Variants in MUC4 observed in about 807,000 individuals in gnomAD.
MUC4 encodes mucin-4.
A neutral mutation model predicts 257.9 loss-of-function variants in MUC4; 202 were observed. The ratio of observed to expected loss-of-function variants is 0.78; its 90% CI spans 0.70 to 0.88. The LOEUF (loss-of-function observed/expected upper bound fraction) is 0.88, where lower values mean the gene tolerates loss of function less well. Among genes scored for constraint, MUC4 ranks in the 40% least tolerant of loss-of-function variants. The pLI is 0.00. For synonymous variants in MUC4, 2,351 were observed against 2,757.1 expected (o/e 0.85, Z 4.62); for missense variants, 5,976 against 6,513.7 (o/e 0.92, Z 2.84).
intron 24 of MUC4, among the ~76,000 whole-genome samples, 175 bp downstream of exon 24, chr3:195,748,727 A>C (rs1412455267): frequency 2.0e-5 from 3 of 152,264 alleles, no homozygotes; most frequent in Non-Finnish European, 4.4e-5. Context: ...AGTTTGTAAT[A>C]TAGCGCCTTT....
Position 195,787,414 on chromosome 3 carries a change from T to A in MUC4, c.4166A>T (p.Asp1389Val). 1.3e-6 allele frequency: 1 copy of A among 767,844 alleles called. No homozygotes were observed. Among genetic ancestry groups the A allele is most frequent in the South Asian group, 1.6e-5 (1 of 63,464 alleles). The allele number at this position is 767,844 out of a possible 1,614,324, so 47.6% of individuals were successfully genotyped here. A position where few individuals can be genotyped will look rare whatever the true frequency, so the allele number is the denominator to read the frequency against. Reference protein sequence around the residue: ...VTSLSSVSTGDTTPLPVTSPS... With the variant: ...VTSLSSVSTGVTTPLPVTSPS... ...GCTAGTGACAGGAAGAGGCGTGGTG[T>A]CACCTGTGGATACTGAGGAAAGGCT... The change falls in exon 2 of 25, where the codon GAC becomes GTC. Residue 1389 changes from aspartate (D) to valine (V), a missense_variant. This residue lies in a region of MUC4 where 58 missense variants were observed against 65.4 expected (regional missense o/e 0.89). Coordinates refer to ENST00000463781, the MANE Select transcript of MUC4 (RefSeq NM_018406.7).
chr3:195,770,331 T>C lies in MUC4; in HGVS notation c.13283A>G (p.Gln4428Arg), dbSNP rs573479949. The C allele has an allele frequency of 1.1e-5, 17 of 1,614,016 alleles. No individual in the cohort carries two copies. In the East Asian group the frequency reaches 2.9e-4, roughly 28 times the overall value. Residue 4428 changes from glutamine (Q) to arginine (R), a missense_variant, in exon 6 of 25, where the codon CAG becomes CGG. Transcript: ENST00000463781. ...TFYGEHSLLV[Q>R]QAESWIRKMT... ...CTTTCTAATCCAAGACTCGGCCTGC[T>C]GGACTAGCAGGCTGTGTTCACCATA...
intron 4 of MUC4, among the ~76,000 whole-genome samples, chr3:195,773,424 CCT>C (rs761867824): frequency 2.7e-5 from 4 of 150,658 alleles, no homozygotes; most frequent in Admixed American, 2.0e-4. Flanking sequence ...GGGGTGGAAA[CCT>C]CTCTCTCACT....
chr3:195,781,098 A>G lies in MUC4; in HGVS notation c.10482T>C (p.Pro3494=). ...TGGTGTCACCTGTGGATGCTGAGGA[A>G]GGGATGGTGACATGAAGAGGGGTGG... ...GHTTPLHVTI[P]SSASTGDTST... Residue 3494 remains proline (P), a synonymous_variant, in exon 2 of 25, where the codon CCT becomes CCC. Transcript: ENST00000463781. The G allele has an allele frequency of 1.3e-6, 2 of 1,490,222 alleles. No individual in the cohort carries two copies. The highest frequency in any genetic ancestry group is 1.8e-6 in the Non-Finnish European group (2 of 1,110,560). The allele number at this position is 1,490,222 out of a possible 1,614,324, so 92.3% of individuals were successfully genotyped here. A position where few individuals can be genotyped will look rare whatever the true frequency, so the allele number is the denominator to read the frequency against.
Position 195,790,600 on chromosome 3 carries a change from G to C in MUC4, c.980C>G (p.Thr327Ser). Residue 327 changes from threonine (T) to serine (S), a missense_variant, in exon 2 of 25, where the codon ACT (threonine) becomes AGT (serine). Physicochemically the swap from Thr to Ser is moderately conservative, Grantham distance 58 (BLOSUM62 1). Around this residue, in one of 44 missense-constraint regions of MUC4, gnomAD observed 1,583 missense variants for 1,257.4 expected, o/e 1.26. Coordinates refer to ENST00000463781, the MANE Select transcript of MUC4 (RefSeq NM_018406.7). ...DTTAFSKNHQ[T>S]QSVETTRVSQ... ...TACTCTGGTGGTCTCCACGCTCTGA[G>C]TCTGGTGGTTCTTAGAAAAAGCTGT... 6.2e-7 allele frequency: 1 copy of C among 1,614,046 alleles called. No homozygotes were observed. Among genetic ancestry groups the C allele is most frequent in the Non-Finnish European group, 8.5e-7 (1 of 1,179,894 alleles).
chr3:195,752,276 A>G lies in MUC4; in HGVS notation c.15582+97T>C, dbSNP rs184327329. The G allele has an allele frequency of 6.4e-5, 75 of 1,169,772 alleles. 1 individual carries two copies. In the African/African-American group the frequency reaches 1.0e-3, roughly 16 times the overall value. 72.5% of individuals were successfully genotyped at this position (1,169,772 alleles called of 1,614,324 possible). ...GGCCTCCTCTGGCAGTTGAATCCAGATGGATGACAAGATGAAGGCCGCACA... is the reference window on the plus strand; with the variant it reads ...GGCCTCCTCTGGCAGTTGAATCCAGGTGGATGACAAGATGAAGGCCGCACA... On this transcript the variant is annotated intron_variant, in intron 21 of 24. Coordinates refer to ENST00000463781, the MANE Select transcript of MUC4 (RefSeq NM_018406.7).
At chr3:195,769,225 C>G in intron 6 of MUC4, 73 bp from the exon 7 acceptor site, 1 of 1,568,686 alleles carries the variant, frequency 6.4e-7, no homozygotes, top group Admixed American at 1.8e-5. Context: ...GTCCCCCCGC[C>G]CGTCCCACAG....
intron 1 of MUC4, among the ~76,000 whole-genome samples, chr3:195,797,448 C>T (rs1279821110): frequency 6.6e-6 from 1 of 152,280 alleles, no homozygotes; most frequent in Non-Finnish European, 1.5e-5. Flanking sequence ...TCAACACTTA[C>T]TCCTGTTAAA....
At chr3:195,748,838 A>T (rs1715716638) in intron 24 of MUC4, 64 bp downstream of exon 24, 3 of 1,471,316 alleles carry the variant, frequency 2.0e-6, no homozygotes, top group Middle Eastern at 2.5e-4. Flanking sequence ...GACCCCTTGC[A>T]GTGTCTTGCC....
rs1476566236 is a variant in MUC4, at chr3:195,765,304, T to C, written c.13764A>G (p.Gly4588=). 4 of 1,613,500 alleles carry C rather than the reference T, an allele frequency of 2.5e-6. No individual in the cohort carries two copies. Among genetic ancestry groups the C allele is most frequent in the Admixed American group, 3.3e-5 (2 of 59,976 alleles). Residue 4588 remains glycine (G), a synonymous_variant, in exon 9 of 25, where the codon GGA becomes GGG. Coordinates refer to ENST00000463781, the MANE Select transcript of MUC4 (RefSeq NM_018406.7). ...QVSCPCSWQQ[G]RRDLRFQPVS... ...CGGGTTGGAATCGTAAGTCCCGTCG[T>C]CCCTGCTGCCAGGAACAAGGGCAGG... is the stretch of plus-strand genomic sequence containing the variant.
chr3:195,807,957 G>T (rs1346189147), intron 1 of MUC4, among the ~76,000 whole-genome samples: 1 of 152,246 alleles, frequency 6.6e-6, no homozygotes. Flanking sequence ...GGACTCACAG[G>T]CAGGGAGCGG....
chr3:195,801,042 C>CA (rs1261856026), intron 1 of MUC4, among the ~76,000 whole-genome samples: 1 of 152,198 alleles, frequency 6.6e-6, no homozygotes, highest in Non-Finnish European at 1.5e-5. Context: ...CCACTCTTAA[C>CA]AATGTTTGTA....
chr3:195,760,215 TAAAGC>T (rs1001452457), intron 16 of MUC4, among the ~76,000 whole-genome samples: 5 of 151,932 alleles, frequency 3.3e-5, no homozygotes, highest in Non-Finnish European at 5.9e-5. Flanking sequence ...GAGAAAAAAA[TAAAGC>T]AGGGAAGGCA....
intron 1 of MUC4, among the ~76,000 whole-genome samples, chr3:195,799,738 A>G (rs1735061378): frequency 6.6e-6 from 1 of 152,204 alleles, no homozygotes; most frequent in Admixed American, 6.5e-5. Flanking sequence ...TTTTGTTTAC[A>G]TTATTTCAGC....
intron 3 of MUC4, among the ~76,000 whole-genome samples, chr3:195,775,194 C>T (rs1269459306): frequency 2.0e-5 from 3 of 152,098 alleles, no homozygotes; most frequent in Non-Finnish European, 4.4e-5. Context: ...CTCCAGGCAC[C>T]ACTTGTTAAA....
chr3:195,807,650 A>C (rs1222472466), intron 1 of MUC4, among the ~76,000 whole-genome samples: 1 of 152,184 alleles, frequency 6.6e-6, no homozygotes, highest in Non-Finnish European at 1.5e-5. Context: ...AAAAGGCTGA[A>C]ACTAGGGGGA....
chr3:195,801,772 CCATT>C (rs1286846271), intron 1 of MUC4, among the ~76,000 whole-genome samples: 4 of 152,290 alleles, frequency 2.6e-5, no homozygotes, highest in Non-Finnish European at 4.4e-5. Flanking sequence ...TCGGCCCCAT[CCATT>C]CATTCATTCA....
intron 14 of MUC4, 31 bp from the exon 15 acceptor site, chr3:195,761,616 T>C: frequency 6.5e-7 from 1 of 1,549,456 alleles, no homozygotes; most frequent in Admixed American, 1.7e-5. Flanking sequence ...TTGGCCACCC[T>C]GGGCACGCGG....
rs770641707 is a variant in MUC4 at position 195,783,176 on chromosome 3, G to C, written c.8404C>G (p.Pro2802Ala). The C allele has an allele frequency of 1.7e-4, 253 of 1,460,450 alleles. 1 individual carries two copies. Among genetic ancestry groups the C allele is most frequent in the South Asian group, 1.2e-5 (1 of 81,810 alleles). 90.5% of individuals were successfully genotyped at this position (1,460,450 alleles called of 1,614,324 possible). A position where few individuals can be genotyped will look rare whatever the true frequency, so the allele number is the denominator to read the frequency against. ...GACACTGACGAAGCGTCGGTGACAGGAAGAGGGGTGGTGTGACCTGTGGAT... is the reference window on the plus strand; with the variant it reads ...GACACTGACGAAGCGTCGGTGACAGCAAGAGGGGTGGTGTGACCTGTGGAT... ...SASTGHTTPL[P>A]VTDASSVSTG... Residue 2802 changes from proline (P) to alanine (A), a missense_variant, in exon 2 of 25, where the codon CCT (proline) becomes GCT (alanine). By Grantham distance (27) the Pro-to-Ala change is conservative. Coordinates refer to ENST00000463781, the MANE Select transcript of MUC4 (RefSeq NM_018406.7).
Sources: gnomAD v4.1 joint callset for allele counts (sites outside exome capture counted in the v4.1 genomes callset) on GRCh38, gnomAD v4.1.1 for gene constraint, gnomAD v4.1.1 regional missense constraint, MANE v1.5 for transcripts, NCBI Gene and HGNC (gene_info 2026-07-23, HGNC 2026-07-21) for gene names.